Variants in SUPT3H observed in about 807,000 individuals in gnomAD.
SUPT3H encodes transcription initiation protein SPT3 homolog.
In SUPT3H, 44 loss-of-function variants were observed where a neutral mutation model predicts 44.3. The ratio of observed to expected loss-of-function variants is 0.99; its 90% CI spans 0.78 to 1.28. The LOEUF is 1.28. Ranked by LOEUF, SUPT3H falls within the 50% of genes most tolerant of loss-of-function variation. The probability of loss-of-function intolerance (pLI) is 0.00; values close to 1 mark genes in which losing one functional copy is unlikely to be tolerated. For missense variants in SUPT3H, 380 were observed against 387.1 expected, an observed-to-expected ratio of 0.98 and a Z score of 0.15; for synonymous variants, 124 against 125.6, an observed-to-expected ratio of 0.99 and a Z score of 0.09.
intron 2 of SUPT3H, among the ~76,000 whole-genome samples, chr6:45,256,403 G>T (rs1031444272): frequency 6.6e-6 from 1 of 152,124 alleles, no homozygotes; most frequent in African/African-American, 2.4e-5. Flanking sequence ...CATGGAGGAA[G>T]GGGTAAAGGC....
chr6:44,892,596 G>T (rs138094802), intron 10 of SUPT3H, among the ~76,000 whole-genome samples: 2 of 152,120 alleles, frequency 1.3e-5, no homozygotes, highest in Non-Finnish European at 2.9e-5. Flanking sequence ...TTAATACACA[G>T]GGAAAAAAGG....
At chr6:45,155,065 G>C (rs1307256595) in intron 2 of SUPT3H, among the ~76,000 whole-genome samples, 2 of 152,058 alleles carry the variant, frequency 1.3e-5, no homozygotes, top group African/African-American at 2.4e-5. Context: ...AAATTAGTGT[G>C]AAACAAAAAA....
chr6:45,059,518 A>G (rs947421144), intron 3 of SUPT3H, among the ~76,000 whole-genome samples: 2 of 152,186 alleles, frequency 1.3e-5, no homozygotes, highest in Admixed American at 6.5e-5. Context: ...TTCCCCAGAA[A>G]ACCAGCACAA....
intron 4 of SUPT3H, among the ~76,000 whole-genome samples, chr6:45,015,818 C>T (rs770859601): frequency 2.6e-5 from 4 of 151,636 alleles, no homozygotes; most frequent in Admixed American, 2.6e-4. Context: ...CACACACACA[C>T]GCCTATGCCT....
At chr6:45,083,587 G>GA (rs1796108669) in intron 3 of SUPT3H, among the ~76,000 whole-genome samples, 1 of 151,558 alleles carries the variant, frequency 6.6e-6, no homozygotes, top group African/African-American at 2.4e-5. Context: ...ACCCCAATTA[G>GA]AAAAAACTCT....
intron 3 of SUPT3H, among the ~76,000 whole-genome samples, chr6:45,039,583 C>A (rs974016139): frequency 4.6e-5 from 7 of 151,972 alleles, no homozygotes; most frequent in Non-Finnish European, 8.8e-5. Context: ...AGTTCGAGAC[C>A]AGCCAGGCCA....
chr6:44,834,480 G>C (rs1769450017), intron 10 of SUPT3H, among the ~76,000 whole-genome samples: 1 of 152,100 alleles, frequency 6.6e-6, no homozygotes, highest in South Asian at 2.1e-4. Context: ...GCCACAACAT[G>C]TTTAATACTA....
intron 3 of SUPT3H, among the ~76,000 whole-genome samples, chr6:45,079,582 G>GT (rs1795510246): frequency 6.6e-6 from 1 of 152,106 alleles, no homozygotes; most frequent in African/African-American, 2.4e-5. Context: ...AAACTGTATG[G>GT]TGTTGGCATC....
At chr6:45,163,800 A>T (rs1022084675) in intron 2 of SUPT3H, among the ~76,000 whole-genome samples, 3 of 32,266 alleles carry the variant, frequency 9.3e-5, no homozygotes, top group Non-Finnish European at 2.1e-4. Context: ...TCACTTTTAT[A>T]AAAAAAAAAA....
intron 3 of SUPT3H, among the ~76,000 whole-genome samples, chr6:45,031,353 A>C (rs942197867): frequency 1.3e-5 from 2 of 152,202 alleles, no homozygotes; most frequent in African/African-American, 4.8e-5. Flanking sequence ...ATTATAATAC[A>C]TATTTGTGTG....
chr6:44,841,875 G>A (rs1312134555), intron 10 of SUPT3H, among the ~76,000 whole-genome samples: 1 of 152,206 alleles, frequency 6.6e-6, no homozygotes, highest in African/African-American at 2.4e-5. Flanking sequence ...TAGTGCTGGA[G>A]ATGTATCGTG....
In SUPT3H at chr6:45,080,606, A is replaced by G. The variant is rs1795663502; in HGVS notation, c.186+25316T>C. ...GAAGTACTATTCAGCCATTAAAAAA[A>G]AAAGATTCTGTTATTTGCAACAACA... On this transcript the variant is annotated intron_variant, in intron 3 of 10. Coordinates refer to ENST00000371459, the MANE Select transcript of SUPT3H (RefSeq NM_003599.4). 2.6e-5 allele frequency among the ~76,000 whole-genome samples: 4 copies of G among 152,316 alleles called. No homozygotes were observed. In the South Asian group the frequency reaches 8.3e-4, roughly 32 times the overall value.
intron 2 of SUPT3H, among the ~76,000 whole-genome samples, chr6:45,156,529 CTAATA>C (rs1392285535): frequency 4.0e-5 from 6 of 151,464 alleles, no homozygotes; most frequent in Non-Finnish European, 7.4e-5. Flanking sequence ...TGTTCTGATA[CTAATA>C]TAATAATATA....
intron 10 of SUPT3H, among the ~76,000 whole-genome samples, chr6:44,902,645 T>C (rs1315695259): frequency 6.6e-6 from 1 of 151,890 alleles, no homozygotes; most frequent in African/African-American, 2.4e-5. Flanking sequence ...AACAAGGATA[T>C]CCAGGAATTG....
chr6:45,150,040 G>GTTTT (rs570751502), intron 2 of SUPT3H, among the ~76,000 whole-genome samples: 8 of 151,648 alleles, frequency 5.3e-5, no homozygotes, highest in African/African-American at 1.9e-4. Context: ...CAGCATCAAT[G>GTTTT]TTTTTTTTAA....
intron 2 of SUPT3H, among the ~76,000 whole-genome samples, chr6:45,150,809 G>A (rs1217410719): frequency 2.3e-5 from 3 of 130,332 alleles, no homozygotes; most frequent in Admixed American, 8.8e-5. Flanking sequence ...TGCAACCTCC[G>A]CCTGCCATGT....
At chr6:45,074,315 T>C (rs1562401498) in intron 3 of SUPT3H, among the ~76,000 whole-genome samples, 1 of 151,896 alleles carries the variant, frequency 6.6e-6, no homozygotes, top group Non-Finnish European at 1.5e-5. Flanking sequence ...TTAAGAAACC[T>C]AACAGAAAGT....
chr6:45,074,632 C>T (rs148869769), intron 3 of SUPT3H, among the ~76,000 whole-genome samples: 335 of 152,066 alleles, frequency 2.2e-3, no homozygotes, highest in African/African-American at 7.7e-3. Flanking sequence ...AGAACAGACA[C>T]GCTAAACTAT....
At chr6:45,062,428 T>G (rs192925840) in intron 3 of SUPT3H, among the ~76,000 whole-genome samples, 3 of 152,270 alleles carry the variant, frequency 2.0e-5, no homozygotes, top group African/African-American at 4.8e-5. Context: ...CGGATCAGCC[T>G]TCTAAAGAGT....
Sources: allele counts gnomAD v4.1 joint callset (sites outside exome capture counted in the v4.1 genomes callset), GRCh38; gene constraint gnomAD v4.1.1; transcripts MANE v1.5; gene names NCBI Gene and HGNC (gene_info 2026-07-23, HGNC 2026-07-21).